Variants in TULP4 observed in about 807,000 individuals in gnomAD.
TULP4 encodes tubby-related protein 4.
In TULP4, 16 loss-of-function variants were observed where a neutral mutation model predicts 129.0. The observed-to-expected ratio is 0.12, with a 90% confidence interval of 0.08 to 0.19. The LOEUF (loss-of-function observed/expected upper bound fraction) is 0.19, where lower values mean the gene tolerates loss of function less well. TULP4 is among the 10% of genes least tolerant of loss of function. TULP4 has a pLI of 1.00. For missense variants in TULP4, 1,842 were observed against 2,059.1 expected, an observed-to-expected ratio of 0.89 and a Z score of 2.04; for synonymous variants, 998 against 854.0, an observed-to-expected ratio of 1.17 and a Z score of -2.94.
chr6:158,270,471 C>T (rs2128461488), intron 1 of TULP4, among the ~76,000 whole-genome samples: 1 of 152,282 alleles, frequency 6.6e-6, no homozygotes. Context: ...GGGCTAGGGA[C>T]TGGACTTCGA....
chr6:158,455,680 T>G (rs1352150678), intron 5 of TULP4, among the ~76,000 whole-genome samples: 1 of 150,560 alleles, frequency 6.6e-6, no homozygotes, highest in Admixed American at 6.6e-5. Context: ...GAGGTTGCAA[T>G]GAGCTGAGAT....
At chr6:158,362,504 C>T (rs1216073055) in intron 1 of TULP4, among the ~76,000 whole-genome samples, 1 of 152,086 alleles carries the variant, frequency 6.6e-6, no homozygotes, top group African/African-American at 2.4e-5. Flanking sequence ...TGTGTGCTCC[C>T]ATGCCCAGCT....
intron 2 of TULP4, among the ~76,000 whole-genome samples, chr6:158,421,232 C>T (rs547624642): frequency 6.6e-6 from 1 of 151,990 alleles, no homozygotes; most frequent in Non-Finnish European, 1.5e-5. Flanking sequence ...CGTGGTGGCA[C>T]GCGCCTGTAG....
chr6:158,308,933 G>T (rs1195198890), upstream of TULP4, among the ~76,000 whole-genome samples: 1 of 141,036 alleles, frequency 7.1e-6, no homozygotes, highest in Non-Finnish European at 1.6e-5. Flanking sequence ...CGGGCGGGGG[G>T]CTGACCCACC....
chr6:158,466,765 A>T (rs1449076517), intron 6 of TULP4, among the ~76,000 whole-genome samples: 1 of 152,250 alleles, frequency 6.6e-6, no homozygotes, highest in Non-Finnish European at 1.5e-5. Flanking sequence ...GTTAAGGAAG[A>T]CAGACAAGTG....
intron 3 of TULP4, among the ~76,000 whole-genome samples, chr6:158,434,791 G>A (rs553601906): frequency 3.3e-5 from 5 of 152,290 alleles, no homozygotes; most frequent in South Asian, 2.1e-4. Flanking sequence ...CTCCTAGGGC[G>A]GTGACCAGCT....
chr6:158,341,891 T>A (rs1025077615), intron 1 of TULP4, among the ~76,000 whole-genome samples: 12 of 152,226 alleles, frequency 7.9e-5, no homozygotes, highest in Non-Finnish European at 4.4e-5. Context: ...TTGTGTCCTT[T>A]GCAGTGCAGA....
intron 1 of TULP4, among the ~76,000 whole-genome samples, chr6:158,406,560 T>C (rs757698048): frequency 3.9e-5 from 6 of 152,184 alleles, no homozygotes; most frequent in Non-Finnish European, 8.8e-5. Context: ...CCACAGGATT[T>C]TGAGGCAGAT....
upstream of TULP4, among the ~76,000 whole-genome samples, chr6:158,281,740 TAC>T (rs1228125669): frequency 6.6e-6 from 1 of 152,216 alleles, no homozygotes; most frequent in Non-Finnish European, 1.5e-5. Flanking sequence ...TTTACTGAGT[TAC>T]CCATTAATGT....
At chr6:158,439,700 C>CTTT (rs71030170) in intron 3 of TULP4, among the ~76,000 whole-genome samples, 790 of 68,246 alleles carry the variant, frequency 0.012, 180 homozygotes, top group African/African-American at 0.023. Flanking sequence ...ACTAGAGTTT[C>CTTT]TTTTTTTTTT....
intron 2 of TULP4, among the ~76,000 whole-genome samples, chr6:158,415,901 C>T (rs1053630707): frequency 9.2e-5 from 14 of 152,132 alleles, no homozygotes; most frequent in African/African-American, 2.7e-4. Flanking sequence ...AGGCCGTCTG[C>T]AAGTTGAGGG....
intron 1 of TULP4, among the ~76,000 whole-genome samples, chr6:158,359,821 C>G (rs532917251): frequency 1.3e-5 from 2 of 152,346 alleles, no homozygotes; most frequent in South Asian, 4.1e-4. Context: ...AATTTATCTT[C>G]TCTTCCCAGT....
Position 158,461,649 on chromosome 6 carries a change from G to GGTC in TULP4, c.947_949dup (p.Gly316_Pro317insArg), listed in dbSNP as rs1562576340. 23 of 1,614,026 alleles carry GGTC rather than the reference G, an allele frequency of 1.4e-5. No homozygotes were observed. Among genetic ancestry groups the GGTC allele is most frequent in the Non-Finnish European group, 1.8e-5 (21 of 1,180,004 alleles). ...GACCCAGCTTGGTGAGCTTCCCAAT[G>GGTC]GTCCCCTTCTGAAGAGTGCCATGGT... On this transcript the variant is annotated inframe_insertion, in exon 6 of 14. Transcript: ENST00000367097.
chr6:158,246,828 G>A (rs1778040562), intron 1 of TULP4, among the ~76,000 whole-genome samples: 1 of 152,168 alleles, frequency 6.6e-6, no homozygotes, highest in African/African-American at 2.4e-5. Context: ...GTGAGATAAA[G>A]AGTATTTTAA....
At chr6:158,240,255 C>G (rs1391312739) in intron 1 of TULP4, among the ~76,000 whole-genome samples, 1 of 77,480 alleles carries the variant, frequency 1.3e-5, no homozygotes, top group African/African-American at 4.5e-5. Flanking sequence ...GGGCGGCTGG[C>G]CGGGCAGAGG....
chr6:158,232,722 G>C (rs928542067), intron 1 of TULP4, among the ~76,000 whole-genome samples: 4 of 152,118 alleles, frequency 2.6e-5, no homozygotes, highest in African/African-American at 9.7e-5. Flanking sequence ...CAGGGAGACT[G>C]GGCTGCGCTC....
chr6:158,258,537 T>C (rs1395814363), intron 1 of TULP4, among the ~76,000 whole-genome samples: 1 of 152,182 alleles, frequency 6.6e-6, no homozygotes, highest in Non-Finnish European at 1.5e-5. Context: ...AAGGAAGTCG[T>C]TGAGGTTCAG....
chr6:158,423,941 ACTT>A (rs1294463495), intron 2 of TULP4, among the ~76,000 whole-genome samples: 4 of 152,094 alleles, frequency 2.6e-5, no homozygotes, highest in South Asian at 2.1e-4. Flanking sequence ...CGCCTGGCCA[ACTT>A]CTTCTCTTTG....
At chr6:158,259,634 C>T (rs756313076) in intron 1 of TULP4, among the ~76,000 whole-genome samples, 3 of 152,200 alleles carry the variant, frequency 2.0e-5, no homozygotes, top group Non-Finnish European at 2.9e-5. Context: ...GTCACTTCAA[C>T]TCGGTTCTGA....
Sources: allele counts gnomAD v4.1 joint callset (sites outside exome capture counted in the v4.1 genomes callset), GRCh38; gene constraint gnomAD v4.1.1; transcripts MANE v1.5; gene names NCBI Gene and HGNC (gene_info 2026-07-23, HGNC 2026-07-21).